TFIP11: variants seen among roughly 807,000 people sequenced by gnomAD.
TFIP11 encodes the protein tuftelin-interacting protein 11.
TFIP11 carries 86 observed loss-of-function variants against 96.8 expected under a neutral mutation model. The ratio of observed to expected loss-of-function variants is 0.89; its 90% CI spans 0.75 to 1.06. The LOEUF is 1.06. Among genes scored for constraint, TFIP11 ranks in the 50% least tolerant of loss-of-function variants. The pLI is 0.00. For missense variants in TFIP11, 881 were observed against 1,076.7 expected (o/e 0.82, Z 2.54); for synonymous variants, 405 against 395.2 (o/e 1.02, Z -0.29).
intron 10 of TFIP11, among the ~76,000 whole-genome samples, chr22:26,497,265 C>G (rs1602204010): frequency 1.3e-5 from 2 of 152,212 alleles, no homozygotes; most frequent in Non-Finnish European, 2.9e-5. Context: ...CTGTGCCAAC[C>G]CCCGTTCCAA....
At chr22:26,496,942 A>T in intron 10 of TFIP11, 53 bp from the exon 11 acceptor site, 1 of 1,590,574 alleles carries the variant, frequency 6.3e-7, no homozygotes, top group Non-Finnish European at 8.6e-7. Flanking sequence ...CTGGTTTCAA[A>T]GTACACCACC....
At chr22:26,495,642 A>G (rs560000751) in intron 12 of TFIP11, among the ~76,000 whole-genome samples, 17 of 48,258 alleles carry the variant, frequency 3.5e-4, no homozygotes, top group East Asian at 5.4e-4. Context: ...ATACATGTGT[A>G]TATATACATG....
In TFIP11 at chr22:26,506,807, G is replaced by C. The variant is rs1923471266; in HGVS notation, c.331C>G (p.Pro111Ala). The change falls in exon 5 of 15, where the codon CCT becomes GCT. Residue 111 changes from proline (P) to alanine (A), a missense_variant. Transcript: ENST00000407690. ...AGCTTCCTTGGTCCAAAATCCTTAG[G>C]AAAGTCGTCCTGCTTAACAGGTTTC... ...EEKPVKQDDF[P>A]KDFGPRKLKT... The C allele has an allele frequency of 6.2e-7, 1 of 1,614,018 alleles. No individual in the cohort carries two copies. The highest frequency in any genetic ancestry group is 1.7e-5 in the Admixed American group (1 of 59,966).
chr22:26,507,428 A>T (rs1309958530), intron 4 of TFIP11, among the ~76,000 whole-genome samples: 1 of 152,122 alleles, frequency 6.6e-6, no homozygotes, highest in Non-Finnish European at 1.5e-5. Flanking sequence ...GAAAATTTCC[A>T]GCCAGGGCAA....
Position 26,506,924 on chromosome 22 carries a change from G to A in TFIP11, c.214C>T (p.Arg72Cys), listed in dbSNP as rs190370238. The A allele has an allele frequency of 2.0e-5, 33 of 1,613,806 alleles. No homozygotes were observed. Among genetic ancestry groups the A allele is most frequent in the Middle Eastern group, 3.3e-4 (2 of 6,058 alleles). The change falls in exon 5 of 15, where the codon CGT (arginine) becomes TGT (cysteine). Residue 72 changes from arginine to cysteine, a missense_variant. Coordinates refer to ENST00000407690, the MANE Select transcript of TFIP11 (RefSeq NM_012143.4). The part of the protein sequence containing the change: ...ERPSFGGKRA[R>C]DYSAPVNFIS... The stretch of plus-strand genomic sequence containing the variant: ...AAGTTGACTGGCGCAGAGTAGTCAC[G>A]GGCCCTGTAGGCACAGAAACAAAGC...
At chr22:26,499,046 C>G in intron 9 of TFIP11, 58 bp downstream of exon 9, 1 of 1,609,552 alleles carries the variant, frequency 6.2e-7, no homozygotes, top group Non-Finnish European at 8.5e-7. Context: ...ACCAACTCAT[C>G]AAGCAAGGGT....
rs373632023 is a variant in TFIP11, at chr22:26,504,702, C to G, written c.521-909G>C. ...AGCAAAAAAACTGTCCCCTCATTCT[C>G]ATTCAGTGTATCTTTACTCAAGTTC... On this transcript the variant is annotated intron_variant, in intron 6 of 14. Coordinates refer to ENST00000407690, the MANE Select transcript of TFIP11 (RefSeq NM_012143.4). 2.6e-5 allele frequency among the ~76,000 whole-genome samples: 4 copies of G among 152,158 alleles called. No homozygotes were observed. The East Asian group carries it at 7.7e-4, about 29-fold the overall frequency.
intron 13 of TFIP11, chr22:26,494,541 G>A: frequency 1.4e-6 from 1 of 697,142 alleles, no homozygotes; most frequent in Non-Finnish European, 2.4e-6. Flanking sequence ...CTACACAACA[G>A]GGATACCATA....
At chr22:26,496,348 C>T (rs780252497) in intron 11 of TFIP11, 32 bp from the exon 12 acceptor site, 164 of 1,563,998 alleles carry the variant, frequency 1.0e-4, no homozygotes, top group Non-Finnish European at 1.3e-4. Flanking sequence ...CAGTTCATGT[C>T]GCCTGTGGGG....
At chr22:26,503,956 C>T (rs970756253) in intron 6 of TFIP11, among the ~76,000 whole-genome samples, 163 bp from the exon 7 acceptor site, 4 of 152,162 alleles carry the variant, frequency 2.6e-5, no homozygotes, top group African/African-American at 9.7e-5. Flanking sequence ...ACTCTTGTCC[C>T]TTGTGATTTG....
intron 11 of TFIP11, 51 bp downstream of exon 11, chr22:26,496,670 C>T (rs774941007): frequency 5.6e-6 from 9 of 1,596,824 alleles, no homozygotes; most frequent in Non-Finnish European, 7.7e-6. Flanking sequence ...ACAGACTGAA[C>T]AAGTCCCTGT....
chr22:26,491,811 A>C lies in TFIP11; in HGVS notation c.*202T>G. On this transcript the variant is annotated 3_prime_UTR_variant, in exon 15 of 15. Coordinates refer to ENST00000407690, the MANE Select transcript of TFIP11 (RefSeq NM_012143.4). ...TTGGCTGTCCTGTTTTGAGGACGATACCCCACATGAGGACTTGGTATAAAG... is the reference window on the plus strand; with the variant it reads ...TTGGCTGTCCTGTTTTGAGGACGATCCCCCACATGAGGACTTGGTATAAAG... 1.1e-6 allele frequency: 1 copy of C among 935,350 alleles called. No homozygotes were observed. The highest frequency in any genetic ancestry group is 2.7e-5 in the Admixed American group (1 of 36,814). The allele number at this position is 935,350 out of a possible 1,614,324, so 57.9% of individuals were successfully genotyped here.
chr22:26,503,332 C>G (rs778059868), intron 7 of TFIP11, among the ~76,000 whole-genome samples: 1 of 152,198 alleles, frequency 6.6e-6, no homozygotes, highest in Non-Finnish European at 1.5e-5. Flanking sequence ...TCTGCCAAGT[C>G]TCAACTGAAA....
intron 2 of TFIP11, chr22:26,511,390 A>C (rs951714677): frequency 2.0e-5 from 3 of 152,170 alleles, no homozygotes; most frequent in East Asian, 1.9e-4. Context: ...CTCAAATGTT[A>C]ATCTCCTTTG....
intron 14 of TFIP11, chr22:26,492,680 G>T (rs1020658908): frequency 3.1e-6 from 1 of 327,480 alleles, no homozygotes; most frequent in Non-Finnish European, 5.8e-6. Context: ...CCACTCTTCT[G>T]TTCCCACCTT....
intron 5 of TFIP11, 59 bp from the exon 6 acceptor site, chr22:26,506,518 A>G: frequency 6.4e-7 from 1 of 1,557,568 alleles, no homozygotes; most frequent in Non-Finnish European, 8.6e-7. Flanking sequence ...GAAAAATCTA[A>G]GAAAGCTTGG....
At chr22:26,502,422 A>T (rs1054795060) in intron 7 of TFIP11, among the ~76,000 whole-genome samples, 2 of 152,130 alleles carry the variant, frequency 1.3e-5, no homozygotes, top group Non-Finnish European at 2.9e-5. Context: ...AGCACACAAA[A>T]CCTTGTTTCT....
intron 12 of TFIP11, 25 bp downstream of exon 12, chr22:26,496,048 G>C (rs925188720): frequency 6.2e-7 from 1 of 1,606,776 alleles, no homozygotes; most frequent in Non-Finnish European, 8.5e-7. Context: ...TGCTGGGCTT[G>C]GAATGCATTT....
rs184864753 is a variant in TFIP11, at chr22:26,492,419, G to A, written c.2159-51C>T. Reference sequence around the variant, plus strand: ...GAGGAGAGGTGTTTCCAGGTGTATGGAAGTTGACACTGTGGCTTGGCCCAG... The same window carrying A: ...GAGGAGAGGTGTTTCCAGGTGTATGAAAGTTGACACTGTGGCTTGGCCCAG... On this transcript the variant is annotated intron_variant, in intron 14 of 14. Coordinates refer to ENST00000407690, the MANE Select transcript of TFIP11 (RefSeq NM_012143.4). 5.1e-5 allele frequency: 80 copies of A among 1,559,446 alleles called. 1 individual carries two copies. In the African/African-American group the frequency reaches 8.9e-4, roughly 17 times the overall value.
Sources: gnomAD v4.1 joint callset for allele counts (sites outside exome capture counted in the v4.1 genomes callset) on GRCh38, gnomAD v4.1.1 for gene constraint, MANE v1.5 for transcripts, NCBI Gene and HGNC (gene_info 2026-07-23, HGNC 2026-07-21) for gene names.